VPS13B: variants seen among roughly 807,000 people sequenced by gnomAD.
VPS13B encodes the protein intermembrane lipid transfer protein VPS13B.
A neutral mutation model predicts 426.4 loss-of-function variants in VPS13B; 285 were observed. The observed-to-expected ratio is 0.67, with a 90% CI of 0.61 to 0.74. The LOEUF is 0.74. VPS13B is among the 30% of genes least tolerant of loss of function. The probability of loss-of-function intolerance (pLI) is 0.00; values close to 1 mark genes in which losing one functional copy is unlikely to be tolerated. For synonymous variants in VPS13B, 1,676 were observed against 1,676.4 expected (o/e 1.00, Z 0.01); for missense variants, 4,537 against 4,782.6 (o/e 0.95, Z 1.51).
chr8:99,724,665 A>G (rs1223818966), intron 39 of VPS13B, among the ~76,000 whole-genome samples: 3 of 152,160 alleles, frequency 2.0e-5, no homozygotes, highest in African/African-American at 4.8e-5. Context: ...TGCATTACAC[A>G]TAGTGAGCTC....
intron 58 of VPS13B, 29 bp from the exon 59 acceptor site, chr8:99,868,260 G>A (rs1817203385): frequency 1.2e-6 from 2 of 1,613,868 alleles, no homozygotes; most frequent in African/African-American, 1.3e-5. Context: ...TTAAGCCTCT[G>A]TCCTTACTGA....
intron 25 of VPS13B, among the ~76,000 whole-genome samples, chr8:99,496,567 C>T (rs1221411557): frequency 6.6e-6 from 1 of 152,050 alleles, no homozygotes; most frequent in Non-Finnish European, 1.5e-5. Flanking sequence ...AGGAGAATGG[C>T]GTGAACCCGG....
intron 3 of VPS13B, among the ~76,000 whole-genome samples, chr8:99,080,069 TTATA>T (rs1845360376): frequency 6.6e-6 from 1 of 150,754 alleles, no homozygotes; most frequent in Non-Finnish European, 1.5e-5. Flanking sequence ...ATCATATAAA[TTATA>T]TATAACATTA....
intron 19 of VPS13B, among the ~76,000 whole-genome samples, chr8:99,314,135 C>T (rs1283059807): frequency 1.3e-5 from 2 of 152,152 alleles, no homozygotes; most frequent in Admixed American, 6.5e-5. Context: ...CGATGCCTTG[C>T]CCTGCTTTGG....
chr8:99,870,765 CCTTA>C lies in VPS13B; in HGVS notation c.11393-16_11393-13del, dbSNP rs1563519593. On this transcript the variant is annotated splice_polypyrimidine_tract_variant and intron_variant, in intron 59 of 61. Transcript: ENST00000357162. Reference sequence around the variant, plus strand: ...TTCCAGAAAACAAGTAGTAAAACTCCCTTACTTCTCTTACCACAGGTATTTTACA... The same window carrying C: ...TTCCAGAAAACAAGTAGTAAAACTCCCTTCTCTTACCACAGGTATTTTACA... 1.2e-5 allele frequency: 20 copies of C among 1,612,062 alleles called. No homozygotes were observed. Among genetic ancestry groups the C allele is most frequent in the Non-Finnish European group, 1.7e-5 (20 of 1,178,180 alleles).
At chr8:99,204,185 A>C (rs548466505) in intron 17 of VPS13B, among the ~76,000 whole-genome samples, 1 of 152,338 alleles carries the variant, frequency 6.6e-6, no homozygotes, top group East Asian at 1.9e-4. Flanking sequence ...AACAGAACAG[A>C]GGCCTCAGAA....
intron 17 of VPS13B, among the ~76,000 whole-genome samples, chr8:99,198,280 A>T (rs1814070050): frequency 6.6e-6 from 1 of 151,344 alleles, no homozygotes; most frequent in Non-Finnish European, 1.5e-5. Context: ...TTATTTGCTA[A>T]ATTTCTATTT....
intron 2 of VPS13B, among the ~76,000 whole-genome samples, chr8:99,036,781 G>C (rs1032988117): frequency 1.3e-5 from 2 of 152,116 alleles, no homozygotes; most frequent in Admixed American, 6.5e-5. Flanking sequence ...ACAAGGCGTA[G>C]GGTGGTAGAG....
chr8:99,655,961 G>T (rs985913695), intron 34 of VPS13B, among the ~76,000 whole-genome samples: 3 of 152,132 alleles, frequency 2.0e-5, no homozygotes, highest in Non-Finnish European at 2.9e-5. Context: ...GAAATGAAGG[G>T]TTTTTTCTGA....
chr8:99,224,582 G>A (rs1276423247), intron 17 of VPS13B, among the ~76,000 whole-genome samples: 1 of 152,092 alleles, frequency 6.6e-6, no homozygotes, highest in Non-Finnish European at 1.5e-5. Flanking sequence ...ATTTGATGAG[G>A]AGATGTATTG....
intron 3 of VPS13B, among the ~76,000 whole-genome samples, chr8:99,077,397 C>T (rs756622499): frequency 2.6e-5 from 4 of 151,902 alleles, no homozygotes; most frequent in Non-Finnish European, 5.9e-5. Context: ...CTCGAACTCC[C>T]GACTTCATGT....
intron 34 of VPS13B, among the ~76,000 whole-genome samples, chr8:99,659,494 CTT>C (rs1292835449): frequency 6.6e-6 from 1 of 151,860 alleles, no homozygotes; most frequent in African/African-American, 2.4e-5. Context: ...GTTTTGGTGT[CTT>C]ATTGTTATTA....
At chr8:99,360,182 CTTTCTT>C (rs1184003560) in intron 19 of VPS13B, among the ~76,000 whole-genome samples, 350 of 34,594 alleles carry the variant, frequency 0.01, no homozygotes, top group African/African-American at 0.021. Context: ...TTCTTTCTTT[CTTTCTT>C]TCTCTCTCTC....
chr8:99,381,746 T>A (rs188493752), intron 19 of VPS13B, among the ~76,000 whole-genome samples: 21 of 152,272 alleles, frequency 1.4e-4, no homozygotes, highest in Middle Eastern at 3.4e-3. Context: ...CACTTTTCAA[T>A]GGACTTGCTT....
chr8:99,418,264 ATCCC>A (rs1487602998), intron 21 of VPS13B, among the ~76,000 whole-genome samples: 1 of 151,252 alleles, frequency 6.6e-6, no homozygotes, highest in Non-Finnish European at 1.5e-5. Context: ...TTAATTTTCC[ATCCC>A]TCCCTCCTTT....
intron 24 of VPS13B, among the ~76,000 whole-genome samples, chr8:99,470,203 T>G (rs1459348276): frequency 6.6e-6 from 1 of 152,160 alleles, no homozygotes. Flanking sequence ...AAGGAAAACA[T>G]AAGATATCTC....
intron 19 of VPS13B, among the ~76,000 whole-genome samples, chr8:99,303,730 C>CAAAAAAAAAAAAAAAAAAAAAAAAAAA (rs58708195): frequency 1.6e-5 from 1 of 63,716 alleles, no homozygotes; most frequent in African/African-American, 7.1e-5. Context: ...GACTCCGTCT[C>CAAAAAAAAAAAAAAAAAAAAAAAAAAA]AAAAAAAAAA....
At position 99,091,281 on chromosome 8, in the gene VPS13B, T is replaced by C. The variant is rs142614722; in HGVS notation, c.292-5031T>C. On this transcript the variant is annotated intron_variant, in intron 3 of 61. Coordinates refer to ENST00000357162, the MANE Select transcript of VPS13B (RefSeq NM_152564.5). ...CACATAGAAGTGTTCACAGTGAATATGGTGATCTCTTTTATTGTTAAAATG... is the reference window on the plus strand; with the variant it reads ...CACATAGAAGTGTTCACAGTGAATACGGTGATCTCTTTTATTGTTAAAATG... Among the ~76,000 whole-genome samples the C allele has an allele frequency of 6.1e-3, 926 of 152,258 alleles. 13 individuals are homozygous for C. Among genetic ancestry groups the C allele is most frequent in the African/African-American group, 0.021 (881 of 41,564 alleles).
At chr8:99,451,301 A>G (rs1264442841) in intron 23 of VPS13B, among the ~76,000 whole-genome samples, 1 of 151,890 alleles carries the variant, frequency 6.6e-6, no homozygotes, top group Admixed American at 6.6e-5. Context: ...CTTTTTTTGT[A>G]TTTCTTTATT....
Sources: gnomAD v4.1 joint callset for allele counts (sites outside exome capture counted in the v4.1 genomes callset) on GRCh38, gnomAD v4.1.1 for gene constraint, MANE v1.5 for transcripts, NCBI Gene and HGNC (gene_info 2026-07-23, HGNC 2026-07-21) for gene names.